ASTN2: variants seen among roughly 807,000 people sequenced by gnomAD.
The protein encoded by ASTN2 is astrotactin 2.
Under a neutral mutation model 139.8 loss-of-function variants are expected in ASTN2, and 54 were observed. The ratio of observed to expected loss-of-function variants is 0.39; its 90% confidence interval spans 0.31 to 0.48. ASTN2 has a LOEUF of 0.48. Among genes scored for constraint, ASTN2 ranks in the 20% least tolerant of loss-of-function variants. The pLI is 0.95. For synonymous variants in ASTN2, 756 were observed against 719.5 expected (o/e 1.05, Z -0.81); for missense variants, 1,565 against 1,725.1 (o/e 0.91, Z 1.64).
rs560372320 is a variant in ASTN2 at position 116,561,210 on chromosome 9, G to A, written c.3355+57114C>T. Among the ~76,000 whole-genome samples the A allele has an allele frequency of 1.5e-3, 229 of 152,130 alleles. 2 individuals are homozygous for A. The highest frequency in any genetic ancestry group is 2.0e-3 in the Non-Finnish European group (133 of 68,002). ...AATATCCTCTAATCTGGTATGCATC[G>A]TGATGCATTTGGTCATCTTCTTATG... On this transcript the variant is annotated intron_variant, in intron 19 of 22. Coordinates refer to ENST00000313400, the MANE Select transcript of ASTN2 (RefSeq NM_001365068.1).
chr9:116,899,441 T>C (rs1833955724), intron 10 of ASTN2, among the ~76,000 whole-genome samples: 1 of 152,214 alleles, frequency 6.6e-6, no homozygotes, highest in Non-Finnish European at 1.5e-5. Flanking sequence ...CATGTTGCCT[T>C]CATGAATAAA....
intron 11 of ASTN2, among the ~76,000 whole-genome samples, chr9:116,825,312 G>C (rs891595954): frequency 1.3e-5 from 2 of 152,172 alleles, no homozygotes; most frequent in Non-Finnish European, 2.9e-5. Flanking sequence ...TCTGAAGACT[G>C]TATGAGAAAA....
In ASTN2 at chr9:116,790,929, T is replaced by TGAAAGAAAGAAAGAAA. The variant is rs758357999; in HGVS notation, c.2396+14687_2396+14702dup. On this transcript the variant is annotated intron_variant, in intron 13 of 22. Transcript: ENST00000313400. Reference sequence around the variant, plus strand: ...AAAGAAAGAGAAAGAAAGGAAGGAATGAAAGAAAGAAAGAAAGAAAGAAAG... The same window carrying TGAAAGAAAGAAAGAAA: ...AAAGAAAGAGAAAGAAAGGAAGGAATGAAAGAAAGAAAGAAAGAAAGAAAGAAAGAAAGAAAGAAAG... 6.1e-3 allele frequency among the ~76,000 whole-genome samples: 555 copies of TGAAAGAAAGAAAGAAA among 91,302 alleles called. 46 individuals are homozygous for TGAAAGAAAGAAAGAAA. The highest frequency in any genetic ancestry group is 0.02 in the Middle Eastern group (3 of 152). The allele number at this position is 91,302 out of a possible 152,430, so 59.9% of individuals were successfully genotyped here.
chr9:117,291,416 G>A lies in ASTN2; in HGVS notation c.540C>T (p.Ser180=), dbSNP rs2297697. Residue 180 remains serine (S), a synonymous_variant, in exon 2 of 23, where the codon TCC becomes TCT. Coordinates refer to ENST00000313400, the MANE Select transcript of ASTN2 (RefSeq NM_001365068.1). The part of the protein sequence containing the change: ...TLYFHVSMSS[S]GQLAQATAPT... Reference sequence around the variant, plus strand: ...GGGCGGTGGCTTGGGCCAGCTGCCCGGAGCTGCTCATGGAGACGTGGAAGT... The same window carrying A: ...GGGCGGTGGCTTGGGCCAGCTGCCCAGAGCTGCTCATGGAGACGTGGAAGT... 20,872 of 1,614,170 alleles carry A rather than the reference G, an allele frequency of 0.013. 1,256 individuals are homozygous for A. In the East Asian group the frequency reaches 0.19, roughly 14 times the overall value.
At chr9:116,618,788 G>A (rs1165677441) in intron 18 of ASTN2, among the ~76,000 whole-genome samples, 1 of 152,144 alleles carries the variant, frequency 6.6e-6, no homozygotes, top group African/African-American at 2.4e-5. Flanking sequence ...TCTCAACGAT[G>A]CTTCACTTTC....
At chr9:116,973,905 TC>T (rs1421370040) in intron 10 of ASTN2, among the ~76,000 whole-genome samples, 1 of 152,186 alleles carries the variant, frequency 6.6e-6, no homozygotes, top group Non-Finnish European at 1.5e-5. Context: ...GATAAGTTCA[TC>T]CCTCCCAGTG....
intron 5 of ASTN2, among the ~76,000 whole-genome samples, chr9:117,046,617 C>T (rs1367313859): frequency 6.6e-6 from 1 of 152,158 alleles, no homozygotes; most frequent in African/African-American, 2.4e-5. Context: ...TACTGTTGCT[C>T]ATGCTGAAAT....
At chr9:117,188,954 A>G (rs918668573) in intron 3 of ASTN2, among the ~76,000 whole-genome samples, 3 of 152,072 alleles carry the variant, frequency 2.0e-5, no homozygotes, top group African/African-American at 7.2e-5. Context: ...CCCTTTCCCC[A>G]GAGCGTGGAG....
intron 10 of ASTN2, among the ~76,000 whole-genome samples, chr9:116,896,627 G>A (rs1440904670): frequency 1.3e-5 from 2 of 152,124 alleles, no homozygotes; most frequent in Non-Finnish European, 2.9e-5. Context: ...CCTAGACTGG[G>A]TAATTTATTA....
intron 5 of ASTN2, among the ~76,000 whole-genome samples, chr9:117,060,510 A>AAAGAAAGAAAGG (rs1554774153): frequency 1.2e-5 from 1 of 81,528 alleles, no homozygotes; most frequent in African/African-American, 6.5e-5. Flanking sequence ...AGAAAGAAAG[A>AAAGAAAGAAAGG]AAGGAAGGAA....
intron 19 of ASTN2, among the ~76,000 whole-genome samples, chr9:116,533,668 G>C (rs570179359): frequency 6.6e-6 from 1 of 152,256 alleles, no homozygotes; most frequent in South Asian, 2.1e-4. Flanking sequence ...TATGTTTATT[G>C]ATTTGCATAT....
At chr9:116,557,198 T>C (rs761207763) in intron 19 of ASTN2, among the ~76,000 whole-genome samples, 53 of 115,810 alleles carry the variant, frequency 4.6e-4, no homozygotes, top group Non-Finnish European at 7.5e-4. Flanking sequence ...TGCTCCAGCC[T>C]GGGCAACAGA....
At chr9:117,350,254 GAAATAA>G (rs983456811) in intron 1 of ASTN2, among the ~76,000 whole-genome samples, 3 of 152,132 alleles carry the variant, frequency 2.0e-5, no homozygotes, top group African/African-American at 7.2e-5. Context: ...GGAGAATAGA[GAAATAA>G]AAAACAAGGC....
intron 13 of ASTN2, among the ~76,000 whole-genome samples, chr9:116,767,748 C>G (rs1489427269): frequency 6.6e-6 from 1 of 152,168 alleles, no homozygotes; most frequent in Non-Finnish European, 1.5e-5. Flanking sequence ...GCAGCCAGAA[C>G]TAGCAGATCC....
At chr9:116,923,305 G>A (rs1209146096) in intron 10 of ASTN2, among the ~76,000 whole-genome samples, 13 of 152,190 alleles carry the variant, frequency 8.5e-5, no homozygotes, top group Admixed American at 7.9e-4. Flanking sequence ...GTTCACTGAA[G>A]GACAGAAGCT....
intron 3 of ASTN2, among the ~76,000 whole-genome samples, chr9:117,188,945 C>A (rs10118011): frequency 1.3e-5 from 2 of 151,982 alleles, no homozygotes; most frequent in Non-Finnish European, 2.9e-5. Context: ...CAGTGAGTGC[C>A]CTTTCCCCAG....
intron 13 of ASTN2, among the ~76,000 whole-genome samples, chr9:116,736,993 G>C (rs1437736002): frequency 6.6e-6 from 1 of 152,204 alleles, no homozygotes; most frequent in Non-Finnish European, 1.5e-5. Context: ...CCCCTTCTCG[G>C]AGGAAGGTTT....
chr9:117,218,996 A>T (rs1430993317), intron 2 of ASTN2, among the ~76,000 whole-genome samples: 2 of 152,214 alleles, frequency 1.3e-5, no homozygotes, highest in East Asian at 3.9e-4. Flanking sequence ...ATCTTCATTC[A>T]TGGTACCCCC....
At chr9:117,108,848 T>C (rs1234375275) in intron 4 of ASTN2, among the ~76,000 whole-genome samples, 1 of 152,186 alleles carries the variant, frequency 6.6e-6, no homozygotes, top group Non-Finnish European at 1.5e-5. Context: ...ATAATTTTTC[T>C]TCATGAACCC....
Sources: allele counts gnomAD v4.1 joint callset (sites outside exome capture counted in the v4.1 genomes callset), GRCh38; gene constraint gnomAD v4.1.1; transcripts MANE v1.5; gene names NCBI Gene and HGNC (gene_info 2026-07-23, HGNC 2026-07-21).